CCDC192: variants seen among roughly 807,000 people sequenced by gnomAD.
CCDC192 encodes the protein coiled-coil domain containing 192.
chr5:127,905,653 G>T (rs1012703221), intron 6 of CCDC192, among the ~76,000 whole-genome samples: 4 of 152,076 alleles, frequency 2.6e-5, no homozygotes, highest in African/African-American at 9.7e-5. Flanking sequence ...CAAAAGGTGT[G>T]ACTGACATGA....
chr5:127,775,928 C>T (rs1755831940), intron 3 of CCDC192, among the ~76,000 whole-genome samples: 1 of 152,166 alleles, frequency 6.6e-6, no homozygotes, highest in South Asian at 2.1e-4. Context: ...GTGAGGCCTC[C>T]CCAGCCATGT....
intron 6 of CCDC192, among the ~76,000 whole-genome samples, chr5:127,915,113 T>C (rs1753481684): frequency 6.6e-6 from 1 of 152,128 alleles, no homozygotes; most frequent in South Asian, 2.1e-4. Flanking sequence ...AAAGTGAATA[T>C]TGCAATAAAG....
At chr5:127,865,969 T>C (rs1016194310) in intron 5 of CCDC192, among the ~76,000 whole-genome samples, 1 of 152,148 alleles carries the variant, frequency 6.6e-6, no homozygotes, top group Non-Finnish European at 1.5e-5. Context: ...AGCTTTTTTT[T>C]ATATACCGTG....
At chr5:127,813,865 A>G (rs1277216089) in intron 5 of CCDC192, among the ~76,000 whole-genome samples, 1 of 152,250 alleles carries the variant, frequency 6.6e-6, no homozygotes, top group African/African-American at 2.4e-5. Context: ...TGTTATAGGA[A>G]CTAAGAAGGA....
In CCDC192 at chr5:127,913,622, T is replaced by G. The variant is rs562318983; in HGVS notation, c.536-27560T>G. 3.3e-5 allele frequency among the ~76,000 whole-genome samples: 5 copies of G among 152,316 alleles called. No individual in the cohort carries two copies. The South Asian group carries it at 1.0e-3, about 32-fold the overall frequency. On this transcript the variant is annotated intron_variant, in intron 6 of 6. Transcript: ENST00000514853. ...AATTTTAAAACATATGAAAAGACATTTAGAATCCCTGGAGATAAAGAGGAA... is the reference window on the plus strand; with the variant it reads ...AATTTTAAAACATATGAAAAGACATGTAGAATCCCTGGAGATAAAGAGGAA...
At chr5:127,873,141 C>T (rs1223256449) in intron 5 of CCDC192, among the ~76,000 whole-genome samples, 3 of 152,114 alleles carry the variant, frequency 2.0e-5, no homozygotes, top group African/African-American at 7.2e-5. Flanking sequence ...CATGCCAGCT[C>T]CTAGTGACTG....
intron 3 of CCDC192, among the ~76,000 whole-genome samples, chr5:127,757,790 A>ACG (rs1561470642): frequency 6.1e-5 from 6 of 98,564 alleles, no homozygotes; most frequent in Non-Finnish European, 1.3e-4. Context: ...ACACACACAC[A>ACG]CACACACACT....
intron 6 of CCDC192, among the ~76,000 whole-genome samples, chr5:127,899,580 T>A (rs1336763185): frequency 5.2e-4 from 69 of 133,974 alleles, no homozygotes; most frequent in Non-Finnish European, 2.9e-4. Flanking sequence ...AAAAAAAAAA[T>A]TTGATTTGAT....
At chr5:127,777,015 C>T (rs1755904327) in intron 3 of CCDC192, among the ~76,000 whole-genome samples, 1 of 152,222 alleles carries the variant, frequency 6.6e-6, no homozygotes, top group African/African-American at 2.4e-5. Flanking sequence ...AGCCCCCACA[C>T]AGAGTCTTCA....
At chr5:127,846,268 G>C (rs1489233056) in intron 5 of CCDC192, among the ~76,000 whole-genome samples, 1 of 143,830 alleles carries the variant, frequency 7.0e-6, no homozygotes, top group East Asian at 2.0e-4. Flanking sequence ...CAGCCTGGGC[G>C]ACAGAGCAAG....
At chr5:127,725,803 C>T (rs1410496003) in intron 2 of CCDC192, among the ~76,000 whole-genome samples, 1 of 152,148 alleles carries the variant, frequency 6.6e-6, no homozygotes, top group Non-Finnish European at 1.5e-5. Flanking sequence ...AATAAGTATT[C>T]TAAACTGTGT....
At chr5:127,793,396 A>C (rs1409168906) in intron 3 of CCDC192, among the ~76,000 whole-genome samples, 1 of 152,222 alleles carries the variant, frequency 6.6e-6, no homozygotes, top group African/African-American at 2.4e-5. Flanking sequence ...CTAAGGTATT[A>C]GAAAAAAGTT....
At position 127,754,354 on chromosome 5, in the gene CCDC192, G is replaced by T. The variant is rs189343154; in HGVS notation, c.201G>T (p.Lys67Asn). 5.0e-6 allele frequency: 2 copies of T among 398,774 alleles called. No homozygotes were observed. Among genetic ancestry groups the T allele is most frequent in the East Asian group, 7.1e-5 (2 of 28,062 alleles). The allele number at this position is 398,774 out of a possible 1,614,324, so 24.7% of individuals were successfully genotyped here. Residue 67 changes from lysine to asparagine, a missense_variant, in exon 3 of 7, where the codon AAG becomes AAT. Transcript: ENST00000514853. ...TTTGCCTGAAAGAAGCAGAAGAAAA[G>T]GCTAAAGCTTTATCTGAACAGGTAA... is the stretch of plus-strand genomic sequence containing the variant. ...LEICLKEAEE[K>N]AKALSEQLSV...
chr5:127,702,401 A>T (rs895663191), upstream of CCDC192, among the ~76,000 whole-genome samples: 2 of 152,178 alleles, frequency 1.3e-5, no homozygotes, highest in African/African-American at 4.8e-5. Context: ...TGGCTTTTCT[A>T]TCCAGAACAA....
At chr5:127,737,074 T>G (rs1753055921) in intron 2 of CCDC192, among the ~76,000 whole-genome samples, 1 of 151,608 alleles carries the variant, frequency 6.6e-6, no homozygotes, top group South Asian at 2.1e-4. Flanking sequence ...TTTACTGCTA[T>G]AAATTTCCCT....
intron 6 of CCDC192, among the ~76,000 whole-genome samples, chr5:127,882,018 A>G (rs1752372812): frequency 6.6e-6 from 1 of 152,156 alleles, no homozygotes; most frequent in Admixed American, 6.5e-5. Context: ...CTACACATGC[A>G]TGTCCCCATT....
chr5:127,800,376 G>GAAAAAAA (rs1168212422), intron 5 of CCDC192, among the ~76,000 whole-genome samples: 253 of 19,472 alleles, frequency 0.013, 2 homozygotes, highest in East Asian at 0.057. Flanking sequence ...GAGGTATTCT[G>GAAAAAAA]AAAAAAAAAA....
chr5:127,854,975 A>G lies in CCDC192; in HGVS notation c.412-20563A>G, dbSNP rs1466501963. Among the ~76,000 whole-genome samples the G allele has an allele frequency of 3.3e-5, 5 of 152,248 alleles. No homozygotes were observed. In the East Asian group the frequency reaches 5.8e-4, roughly 18 times the overall value. On this transcript the variant is annotated intron_variant, in intron 5 of 6. Coordinates refer to ENST00000514853, the MANE Select transcript of CCDC192 (RefSeq NM_001317938.2). ...ATAACTTTTATAACAAAAACAATGT[A>G]TATACCTTAATTTAAAAATAATTTG...
chr5:127,926,596 G>A (rs372307307), intron 6 of CCDC192, among the ~76,000 whole-genome samples: 204 of 152,238 alleles, frequency 1.3e-3, no homozygotes, highest in African/African-American at 1.4e-3. Context: ...GTGAAAAGAC[G>A]GATGAAAGAG....
Sources: gnomAD v4.1 joint callset for allele counts (sites outside exome capture counted in the v4.1 genomes callset) on GRCh38, gnomAD v4.1.1 for gene constraint, MANE v1.5 for transcripts, NCBI Gene and HGNC (gene_info 2026-07-23, HGNC 2026-07-21) for gene names.